The following ADAMTS14 variants were observed in gnomAD, a reference collection of about 807,000 sequenced individuals.
ADAMTS14 encodes the protein ADAM metallopeptidase with thrombospondin type 1 motif 14.
Under a neutral mutation model 128.6 loss-of-function variants are expected in ADAMTS14, and 100 were observed. The observed-to-expected ratio is 0.78, with a 90% CI of 0.66 to 0.92. The LOEUF (loss-of-function observed/expected upper bound fraction) is 0.92, where lower values mean the gene tolerates loss of function less well. Ranked by LOEUF, ADAMTS14 falls within the 40% of genes least tolerant of loss-of-function variation. The pLI is 0.00. For synonymous variants in ADAMTS14, 665 were observed against 653.8 expected (o/e 1.02, Z -0.26); for missense variants, 1,562 against 1,658.6 (o/e 0.94, Z 1.01).
At chr10:70,712,602 G>C (rs1468080978) in intron 4 of ADAMTS14, among the ~76,000 whole-genome samples, 1 of 152,146 alleles carries the variant, frequency 6.6e-6, no homozygotes, top group East Asian at 1.9e-4. Context: ...TAGGGTGGGA[G>C]GGAAGGCTGT....
chr10:70,689,606 A>G (rs568889746), intron 2 of ADAMTS14, among the ~76,000 whole-genome samples: 1 of 145,806 alleles, frequency 6.9e-6, no homozygotes, highest in African/African-American at 2.4e-5. Flanking sequence ...ACACAGCATA[A>G]TAAGAATAAC....
intron 2 of ADAMTS14, among the ~76,000 whole-genome samples, chr10:70,679,887 G>A (rs945945125): frequency 6.6e-6 from 1 of 152,182 alleles, no homozygotes; most frequent in African/African-American, 2.4e-5. Flanking sequence ...CACTGAACAA[G>A]TCACAGAAGC....
intron 2 of ADAMTS14, among the ~76,000 whole-genome samples, chr10:70,686,925 G>T (rs1589262075): frequency 3.2e-5 from 3 of 92,852 alleles, no homozygotes; most frequent in Admixed American, 1.1e-4. Context: ...TGGCCGGGCG[G>T]GGGGCTGACA....
At chr10:70,718,400 AT>A (rs568493930) in intron 4 of ADAMTS14, among the ~76,000 whole-genome samples, 28 of 151,878 alleles carry the variant, frequency 1.8e-4, no homozygotes, top group African/African-American at 6.3e-4. Context: ...AAGTTATTTT[AT>A]TTTTTTGAGA....
At chr10:70,748,877 T>C (rs1333898460) in intron 15 of ADAMTS14, among the ~76,000 whole-genome samples, 1 of 152,202 alleles carries the variant, frequency 6.6e-6, no homozygotes, top group Non-Finnish European at 1.5e-5. Flanking sequence ...GGTCTCAGGC[T>C]GCTGGGCCCT....
At chr10:70,702,799 C>G (rs546362025) in intron 3 of ADAMTS14, among the ~76,000 whole-genome samples, 1 of 152,128 alleles carries the variant, frequency 6.6e-6, no homozygotes, top group African/African-American at 2.4e-5. Context: ...GTTCTTCCCC[C>G]CTAAAATTGA....
rs1302323156 is a variant in ADAMTS14 at position 70,689,946 on chromosome 10, C to T, written c.523-12366C>T. Reference sequence around the variant, plus strand: ...CTTATTCACAATTTCCAGCTCCAGTCCTCTCTTCTCCATGGCTCCTTCCAT... The same window carrying T: ...CTTATTCACAATTTCCAGCTCCAGTTCTCTCTTCTCCATGGCTCCTTCCAT... On this transcript the variant is annotated intron_variant, in intron 2 of 21. Coordinates refer to ENST00000373207, the MANE Select transcript of ADAMTS14 (RefSeq NM_080722.4). 2.3e-4 allele frequency among the ~76,000 whole-genome samples: 33 copies of T among 144,898 alleles called. 5 individuals carry two copies. Among genetic ancestry groups the T allele is most frequent in the Non-Finnish European group, 1.1e-4 (7 of 63,486 alleles).
intron 19 of ADAMTS14, among the ~76,000 whole-genome samples, chr10:70,756,796 A>C (rs1453600194): frequency 1.3e-5 from 2 of 152,126 alleles, no homozygotes; most frequent in Non-Finnish European, 2.9e-5. Context: ...CCCAGTGGAG[A>C]ATTTAATTCT....
At chr10:70,714,310 G>A (rs2132628405) in intron 4 of ADAMTS14, among the ~76,000 whole-genome samples, 1 of 152,208 alleles carries the variant, frequency 6.6e-6, no homozygotes, top group Non-Finnish European at 1.5e-5. Context: ...CCATAACCCT[G>A]TGAGAGGTCT....
In ADAMTS14 at chr10:70,751,500, G is replaced by A; in HGVS notation, c.2450G>A (p.Gly817Asp). ...AILALPPTEG[G>D]PRSSLAYKYV... Reference sequence around the variant, plus strand: ...CAGGCTCTCCCCCCAACTGAGGGTGGCCCCCGCAGCAGCCTGGCCTACAAG... The same window carrying A: ...CAGGCTCTCCCCCCAACTGAGGGTGACCCCCGCAGCAGCCTGGCCTACAAG... The change falls in exon 17 of 22, where the codon GGC becomes GAC. Residue 817 changes from glycine to aspartate, a missense_variant. Physicochemically the swap from Gly to Asp is moderately conservative, Grantham distance 94. Coordinates refer to ENST00000373207, the MANE Select transcript of ADAMTS14 (RefSeq NM_080722.4). 1.2e-6 allele frequency: 2 copies of A among 1,607,266 alleles called. No individual in the cohort carries two copies. The highest frequency in any genetic ancestry group is 1.7e-6 in the Non-Finnish European group (2 of 1,174,460).
chr10:70,711,406 A>G (rs181554801), intron 4 of ADAMTS14, among the ~76,000 whole-genome samples: 161 of 152,370 alleles, frequency 1.1e-3, no homozygotes, highest in African/African-American at 3.8e-3. Context: ...GGAGAGCATC[A>G]GTGCTCCAAG....
chr10:70,708,712 C>T lies in ADAMTS14; in HGVS notation c.804C>T (p.Asp268=), dbSNP rs201394181. The part of the protein sequence containing the change: ...SYSIEVLLVV[D]DSVVRFHGKE... The stretch of plus-strand genomic sequence containing the variant: ...GCATCGAGGTGCTGCTGGTGGTGGA[C>T]GACTCGGTGGTTCGCTTCCATGGCA... Residue 268 remains aspartate, a synonymous_variant, in exon 4 of 22, where the codon GAC becomes GAT. Transcript: ENST00000373207. 125 of 1,613,276 alleles carry T rather than the reference C, an allele frequency of 7.7e-5. No individual in the cohort carries two copies. In the East Asian group the frequency reaches 1.8e-3, roughly 23 times the overall value.
intron 3 of ADAMTS14, among the ~76,000 whole-genome samples, chr10:70,704,433 C>T (rs1299926683): frequency 6.6e-6 from 1 of 151,900 alleles, no homozygotes; most frequent in Non-Finnish European, 1.5e-5. Flanking sequence ...GGCACACACC[C>T]ATGCACCCAC....
At chr10:70,743,484 G>T (rs1364337856) in intron 12 of ADAMTS14, 64 bp from the exon 13 acceptor site, 1 of 1,543,954 alleles carries the variant, frequency 6.5e-7, no homozygotes, top group Non-Finnish European at 8.7e-7. Context: ...ACCACATACT[G>T]ATCTGTCCTG....
At chr10:70,694,742 C>G (rs1014936546) in intron 2 of ADAMTS14, among the ~76,000 whole-genome samples, 2 of 152,170 alleles carry the variant, frequency 1.3e-5, no homozygotes, top group African/African-American at 4.8e-5. Context: ...AATAATATTT[C>G]ATTGTATGGC....
chr10:70,694,847 T>C (rs972395650), intron 2 of ADAMTS14, among the ~76,000 whole-genome samples: 1 of 152,266 alleles, frequency 6.6e-6, no homozygotes, highest in Non-Finnish European at 1.5e-5. Flanking sequence ...TGAACAACTT[T>C]TCTTTGCGTG....
intron 21 of ADAMTS14, 122 bp downstream of exon 21, chr10:70,758,407 T>G (rs1357612916): frequency 1.2e-6 from 1 of 812,158 alleles, no homozygotes; most frequent in African/African-American, 1.7e-5. Flanking sequence ...TTCACCTCCC[T>G]GAGCCTCAGA....
In ADAMTS14 at chr10:70,689,444, C is replaced by G. The variant is rs1409841032; in HGVS notation, c.523-12868C>G. ...AAGGAGGGAGCAGTGATGGGGTGGCCTTCGAGCTGGGTGAAAGGGGCATTC... is the reference window on the plus strand; with the variant it reads ...AAGGAGGGAGCAGTGATGGGGTGGCGTTCGAGCTGGGTGAAAGGGGCATTC... On this transcript the variant is annotated intron_variant, in intron 2 of 21. Coordinates refer to ENST00000373207, the MANE Select transcript of ADAMTS14 (RefSeq NM_080722.4). 2.8e-5 allele frequency among the ~76,000 whole-genome samples: 4 copies of G among 144,932 alleles called. 1 individual carries two copies. Among genetic ancestry groups the G allele is most frequent in the African/African-American group, 9.8e-5 (4 of 40,940 alleles).
In ADAMTS14 at chr10:70,702,362, G is replaced by A. The variant is rs758366774; in HGVS notation, c.573G>A (p.Glu191=). ...CCGACTTCTTCATTGAGCCTCTGGA[G>A]CGGGGCCAGCAGGAGAAGGAGGCCA... ...DSTDFFIEPL[E]RGQQEKEASG... Residue 191 remains glutamate, a synonymous_variant, in exon 3 of 22, where the codon GAG becomes GAA. Transcript: ENST00000373207. 1.2e-6 allele frequency: 2 copies of A among 1,614,206 alleles called. No individual in the cohort carries two copies. Among genetic ancestry groups the A allele is most frequent in the Non-Finnish European group, 1.7e-6 (2 of 1,180,032 alleles).
Sources: allele counts gnomAD v4.1 joint callset (sites outside exome capture counted in the v4.1 genomes callset), GRCh38; gene constraint gnomAD v4.1.1; transcripts MANE v1.5; gene names NCBI Gene and HGNC (gene_info 2026-07-23, HGNC 2026-07-21).